Variants in SSC5D observed in about 807,000 individuals in gnomAD.
SSC5D encodes soluble scavenger receptor cysteine-rich domain-containing protein SSC5D.
In SSC5D, 106 loss-of-function variants were observed where a neutral mutation model predicts 104.6. The observed-to-expected ratio is 1.01, with a 90% CI of 0.87 to 1.19. The LOEUF (loss-of-function observed/expected upper bound fraction) is 1.19, where lower values mean the gene tolerates loss of function less well. Ranked by LOEUF, SSC5D falls within the 50% of genes most tolerant of loss-of-function variation. SSC5D has a pLI of 0.00. For missense variants in SSC5D, 1,993 were observed against 2,153.8 expected (o/e 0.93, Z 1.48); for synonymous variants, 860 against 883.5 (o/e 0.97, Z 0.47).
At chr19:55,508,133 AGC>A (rs1180039601) in intron 12 of SSC5D, among the ~76,000 whole-genome samples, 2 of 152,186 alleles carry the variant, frequency 1.3e-5, no homozygotes, top group African/African-American at 4.8e-5. Context: ...AGGTCCAGGG[AGC>A]GCCTGGGCTG....
chr19:55,517,585 T>C lies in SSC5D; in HGVS notation c.3309T>C (p.Ser1103=), dbSNP rs1210192369. The change falls in exon 14 of 14, where the codon TCT becomes TCC. Residue 1103 remains serine, a synonymous_variant. Transcript: ENST00000389623. ...TLPKELTSDP[S]TPSEVTSLSP... is the part of the protein sequence containing the mutation. ...CCAAAGAGCTGACCTCTGACCCTTC[T>C]ACACCGTCGGAGGTGACCAGCCTTT... is the stretch of plus-strand genomic sequence containing the variant. The C allele has an allele frequency of 2.6e-6, 4 of 1,551,328 alleles. No homozygotes were observed. The highest frequency in any genetic ancestry group is 3.5e-6 in the Non-Finnish European group (4 of 1,147,006).
At position 55,493,863 on chromosome 19, in the gene SSC5D, G is replaced by A. The variant is rs1338667297; in HGVS notation, c.1164G>A (p.Trp388Ter). The change falls in exon 7 of 14, where the codon TGG becomes TGA. Residue 388 changes from tryptophan to a stop codon, truncating the protein, a stop_gained. Transcript: ENST00000389623. LOFTEE classifies it high-confidence loss of function. ...TACGATTCTGCCCAGCTCGGCCCTG[G>A]GGCCAGCATGACTGTCACCACCGCG... is the stretch of plus-strand genomic sequence containing the variant. ...TALRFCPARP[W>*]GQHDCHHRED... The A allele has an allele frequency of 5.2e-6, 8 of 1,549,034 alleles. No homozygotes were observed. Among genetic ancestry groups the A allele is most frequent in the Non-Finnish European group, 6.1e-6 (7 of 1,146,676 alleles).
Position 55,501,034 on chromosome 19 carries a change from G to A in SSC5D, c.2618G>A (p.Gly873Asp). The A allele has an allele frequency of 1.3e-6, 2 of 1,551,898 alleles. No homozygotes were observed. The highest frequency in any genetic ancestry group is 1.7e-6 in the Non-Finnish European group (2 of 1,147,008). The change falls in exon 12 of 14, where the codon GGC (glycine) becomes GAC (aspartate). Residue 873 changes from glycine to aspartate, a missense_variant and splice_region_variant. Physicochemically the swap from Gly to Asp is moderately conservative, Grantham distance 94. Around this residue, in one of 6 missense-constraint regions of SSC5D, gnomAD observed 423 missense variants for 409.2 expected, o/e 1.03. Transcript: ENST00000389623. The stretch of plus-strand genomic sequence containing the variant: ...AACCATTACCCCAATTTCTCCAAAG[G>A]CTACACAGACTATGACGATTATCCC... Reference protein sequence around the residue: ...HEEDVGLTCTGYTDYDDYPPW... With the variant: ...HEEDVGLTCTDYTDYDDYPPW...
chr19:55,500,305 G>C lies in SSC5D; in HGVS notation c.2195G>C (p.Ser732Thr), dbSNP rs890007721. 4 of 1,551,320 alleles carry C rather than the reference G, an allele frequency of 2.6e-6. No homozygotes were observed. The highest frequency in any genetic ancestry group is 2.6e-6 in the Non-Finnish European group (3 of 1,146,984). ...QEMTSESTIKSIPQASLEPSA... is the reference protein window; with the variant it reads ...QEMTSESTIKTIPQASLEPSA... ...ATGACCTCTGAGTCCACTATCAAGA[G>C]TATCCCTCAGGCCTCCCTGGAGCCA... is the stretch of plus-strand genomic sequence containing the variant. The change falls in exon 10 of 14, where the codon AGT becomes ACT. Residue 732 changes from serine to threonine, a missense_variant. Transcript: ENST00000389623. The surrounding 1 kb of genome is among the most constrained non-coding windows in gnomAD (Gnocchi z 4.6).
At chr19:55,507,575 A>T (rs1987662671) in intron 12 of SSC5D, among the ~76,000 whole-genome samples, 1 of 147,470 alleles carries the variant, frequency 6.8e-6, no homozygotes, top group Non-Finnish European at 1.5e-5. Flanking sequence ...CTGAGGCAGG[A>T]GAATCCTTTA....
Position 55,500,548 on chromosome 19 carries a change from G to A in SSC5D, c.2361G>A (p.Val787=), listed in dbSNP as rs61107130. 220,496 of 1,551,598 alleles carry A rather than the reference G, an allele frequency of 0.14. 18,019 individuals are homozygous for A. Among genetic ancestry groups the A allele is most frequent in the East Asian group, 0.41 (16,947 of 40,898 alleles). Residue 787 remains valine, a synonymous_variant, in exon 11 of 14, where the codon GTG becomes GTA. Coordinates refer to ENST00000389623, the MANE Select transcript of SSC5D (RefSeq NM_001144950.2). The surrounding 1 kb of genome is among the most constrained non-coding windows in gnomAD (Gnocchi z 4.6). ...ACCGCTGTGCTGGCCGGCTGGAAGTGTGGCATGCCGGACGCTGGGGAACAG... is the reference window on the plus strand; with the variant it reads ...ACCGCTGTGCTGGCCGGCTGGAAGTATGGCATGCCGGACGCTGGGGAACAG... ...GPNRCAGRLE[V]WHAGRWGTVC... is the part of the protein sequence containing the mutation.
intron 12 of SSC5D, chr19:55,504,231 A>T (rs1460848027): frequency 2.0e-6 from 3 of 1,529,196 alleles, no homozygotes; most frequent in East Asian, 4.9e-5. Context: ...TGCCGGGCAC[A>T]GCGGCTGCGG....
intron 12 of SSC5D, among the ~76,000 whole-genome samples, chr19:55,510,639 GCC>G (rs1167301271): frequency 1.3e-5 from 2 of 151,156 alleles, no homozygotes; most frequent in Non-Finnish European, 3.0e-5. Context: ...GAGCCACCAT[GCC>G]CAGCTGAAAA....
At chr19:55,506,468 C>T (rs143131475) in intron 12 of SSC5D, among the ~76,000 whole-genome samples, 116 of 142,352 alleles carry the variant, frequency 8.1e-4, no homozygotes, top group African/African-American at 2.9e-3. Context: ...GATCTTGTCT[C>T]ACTGCCAGCT....
chr19:55,503,974 A>T lies in SSC5D; in HGVS notation c.2785+2773A>T, dbSNP rs1485124078. The T allele has an allele frequency of 2.5e-6, 2 of 784,630 alleles. No homozygotes were observed. Among genetic ancestry groups the T allele is most frequent in the Non-Finnish European group, 3.9e-6 (2 of 515,124 alleles). The allele number at this position is 784,630 out of a possible 1,614,324, so 48.6% of individuals were successfully genotyped here. ...CAGCCGGCGCATCGCCCGCAGTAAT[A>T]ATAGCTGGGCGAAGGGCAACCAGGC... On this transcript the variant is annotated intron_variant, in intron 12 of 13. Coordinates refer to ENST00000389623, the MANE Select transcript of SSC5D (RefSeq NM_001144950.2). The surrounding 1 kb of genome is among the most constrained non-coding windows in gnomAD (Gnocchi z 4.0).
chr19:55,501,244 C>T, intron 12 of SSC5D, 43 bp downstream of exon 12: 4 of 1,467,160 alleles, frequency 2.7e-6, no homozygotes, highest in Non-Finnish European at 3.6e-6. Flanking sequence ...CCTCCATAAA[C>T]CTCCATTCGC....
chr19:55,507,294 T>C (rs2123451763), intron 12 of SSC5D, among the ~76,000 whole-genome samples: 1 of 134,016 alleles, frequency 7.5e-6, no homozygotes, highest in Non-Finnish European at 1.5e-5. Flanking sequence ...TAGTAAGCCA[T>C]GGTCAAGCCA....
chr19:55,517,424 C>A lies in SSC5D; in HGVS notation c.3148C>A (p.Pro1050Thr). The A allele has an allele frequency of 6.4e-7, 1 of 1,551,038 alleles. No individual in the cohort carries two copies. The highest frequency in any genetic ancestry group is 2.4e-5 in the East Asian group (1 of 40,890). ...ATSDAPDTSP[P>T]TPDPASRTNP... The stretch of plus-strand genomic sequence containing the variant: ...CTCTGACGCTCCGGACACTTCACCA[C>A]CCACCCCAGACCCGGCCTCCCGGAC... Residue 1050 changes from proline to threonine, a missense_variant, in exon 14 of 14, where the codon CCC becomes ACC. Around this residue, in one of 6 missense-constraint regions of SSC5D, gnomAD observed 423 missense variants for 409.2 expected, o/e 1.03. Coordinates refer to ENST00000389623, the MANE Select transcript of SSC5D (RefSeq NM_001144950.2).
chr19:55,502,943 A>G (rs528601754), intron 12 of SSC5D, among the ~76,000 whole-genome samples: 22 of 152,020 alleles, frequency 1.4e-4, no homozygotes, highest in Non-Finnish European at 3.1e-4. Flanking sequence ...AGCCTCCTGA[A>G]TAGCTGGGAT....
At chr19:55,516,021 A>C (rs981924987) in intron 13 of SSC5D, among the ~76,000 whole-genome samples, 1 of 152,192 alleles carries the variant, frequency 6.6e-6, no homozygotes, top group Non-Finnish European at 1.5e-5. Flanking sequence ...AATGGGGATA[A>C]AATTGGCACT....
chr19:55,489,419 C>A lies in SSC5D; in HGVS notation c.118C>A (p.Arg40Ser). The A allele has an allele frequency of 1.3e-6, 2 of 1,489,458 alleles. No homozygotes were observed. The highest frequency in any genetic ancestry group is 8.9e-7 in the Non-Finnish European group (1 of 1,126,816). 92.3% of individuals were successfully genotyped at this position (1,489,458 alleles called of 1,614,324 possible). The change falls in exon 3 of 14, where the codon CGC becomes AGC. Residue 40 changes from arginine (R) to serine (S), a missense_variant. Physicochemically the swap from Arg to Ser is moderately radical, Grantham distance 110. Around this residue, in one of 6 missense-constraint regions of SSC5D, gnomAD observed 1,101 missense variants for 1,085.0 expected, o/e 1.01. Coordinates refer to ENST00000389623, the MANE Select transcript of SSC5D (RefSeq NM_001144950.2). Reference sequence around the variant, plus strand: ...CCGCCTGGAGGTCTGGCATGGCGGGCGCTGGGGCACCGTGTGTGATGACGG... The same window carrying A: ...CCGCCTGGAGGTCTGGCATGGCGGGAGCTGGGGCACCGTGTGTGATGACGG... ...AGRLEVWHGG[R>S]WGTVCDDGWD...
rs748256005 is a variant in SSC5D at position 55,488,552 on chromosome 19, C to T, written c.-38C>T. On this transcript the variant is annotated 5_prime_UTR_variant, in exon 1 of 14. Transcript: ENST00000389623. Reference sequence around the variant, plus strand: ...CTCCTCCTCTTCTCTCCCCGCTCTCCTTCCCCTTTCACCCCATCCCCTGCC... The same window carrying T: ...CTCCTCCTCTTCTCTCCCCGCTCTCTTTCCCCTTTCACCCCATCCCCTGCC... The T allele has an allele frequency of 3.0e-5, 47 of 1,547,214 alleles. No homozygotes were observed. The highest frequency in any genetic ancestry group is 3.8e-5 in the Non-Finnish European group (44 of 1,143,772).
chr19:55,512,938 A>T, intron 12 of SSC5D, 73 bp from the exon 13 acceptor site: 1 of 1,535,306 alleles, frequency 6.5e-7, no homozygotes. Flanking sequence ...GGGCTGGCCC[A>T]GGAGGAGAGA....
chr19:55,500,821 G>A lies in SSC5D; in HGVS notation c.2617+17G>A. ...CCTGCACTGGTACCAGGGCATGGCG[G>A]CGGTGGTGGGGTTGTCGGGGGTGGC... On this transcript the variant is annotated intron_variant, in intron 11 of 13. Coordinates refer to ENST00000389623, the MANE Select transcript of SSC5D (RefSeq NM_001144950.2). This position sits in a 1 kb window ranked among gnomAD's most constrained non-coding sequence, Gnocchi z 4.6. 6.5e-7 allele frequency: 1 copy of A among 1,541,120 alleles called. No individual in the cohort carries two copies. Among genetic ancestry groups the A allele is most frequent in the Non-Finnish European group, 8.8e-7 (1 of 1,139,546 alleles).
Sources: gnomAD v4.1 joint callset for allele counts (sites outside exome capture counted in the v4.1 genomes callset) on GRCh38, gnomAD v4.1.1 for gene constraint, gnomAD v4.1.1 regional missense constraint, Gnocchi (gnomAD v3.1) non-coding constraint, MANE v1.5 for transcripts, NCBI Gene and HGNC (gene_info 2026-07-23, HGNC 2026-07-21) for gene names.